Variants in HIVEP2 observed in about 807,000 individuals in gnomAD.
HIVEP2 encodes HIVEP zinc finger 2.
In HIVEP2, 14 loss-of-function variants were observed where a neutral mutation model predicts 180.7. That is an observed-to-expected ratio of 0.08 (90% CI 0.05 to 0.12). The LOEUF (loss-of-function observed/expected upper bound fraction) is 0.12. HIVEP2 is among the 10% of genes least tolerant of loss of function. The pLI is 1.00. For synonymous variants in HIVEP2, 1,184 were observed against 1,136.4 expected (o/e 1.04, Z -0.84); for missense variants, 2,579 against 3,008.5 (o/e 0.86, Z 3.34).
intron 1 of HIVEP2, among the ~76,000 whole-genome samples, chr6:142,866,273 C>G (rs1776135780): frequency 6.6e-6 from 1 of 152,168 alleles, no homozygotes; most frequent in Non-Finnish European, 1.5e-5. Context: ...GCCTTGAAAA[C>G]TTGTTGAGAA....
chr6:142,907,615 C>T (rs1416178047), intron 1 of HIVEP2, among the ~76,000 whole-genome samples: 1 of 152,206 alleles, frequency 6.6e-6, no homozygotes, highest in Non-Finnish European at 1.5e-5. Flanking sequence ...ACTCCAGCAG[C>T]CTGTTAACAA....
At chr6:142,776,798 G>T (rs899179698) in intron 3 of HIVEP2, among the ~76,000 whole-genome samples, 1 of 152,232 alleles carries the variant, frequency 6.6e-6, no homozygotes, top group East Asian at 1.9e-4. Flanking sequence ...CTCCCAAAGC[G>T]TTAGGATTAT....
intron 1 of HIVEP2, among the ~76,000 whole-genome samples, chr6:142,900,326 G>A (rs1360685839): frequency 2.6e-5 from 4 of 152,180 alleles, no homozygotes; most frequent in South Asian, 4.1e-4. Context: ...GAAACTTGAC[G>A]TCTGAGAGTT....
intron 1 of HIVEP2, among the ~76,000 whole-genome samples, chr6:142,870,551 A>G (rs1420227632): frequency 6.6e-6 from 1 of 152,128 alleles, no homozygotes; most frequent in African/African-American, 2.4e-5. Context: ...ACCAAATCCC[A>G]TCAGATAGAA....
chr6:142,818,995 AGGAG>A (rs1776950350), intron 2 of HIVEP2, among the ~76,000 whole-genome samples: 2 of 113,916 alleles, frequency 1.8e-5, no homozygotes, highest in South Asian at 3.2e-4. Context: ...AAGAAAGGAA[AGGAG>A]GGAGGGAGGG....
intron 1 of HIVEP2, among the ~76,000 whole-genome samples, chr6:142,900,599 C>CAAT (rs1053437987): frequency 1.3e-5 from 2 of 152,154 alleles, no homozygotes; most frequent in African/African-American, 4.8e-5. Context: ...CACAGAAAAG[C>CAAT]AATAACTATG....
chr6:142,773,612 T>C lies in HIVEP2; in HGVS notation c.1127A>G (p.Lys376Arg). 6.2e-7 allele frequency: 1 copy of C among 1,614,222 alleles called. No individual in the cohort carries two copies. The highest frequency in any genetic ancestry group is 8.5e-7 in the Non-Finnish European group (1 of 1,180,032). The change falls in exon 5 of 10, where the codon AAA (lysine) becomes AGA (arginine). Residue 376 changes from lysine (K) to arginine (R), a missense_variant. Transcript: ENST00000367603. ...CGATGGCTCAGAATCTTGTCCTTTT[T>C]TCTCTGACAGTCTTAGTGCAAGTTT... ...KQKLALRLSEKKGQDSEPSLN... is the reference protein window; with the variant it reads ...KQKLALRLSERKGQDSEPSLN...
intron 2 of HIVEP2, among the ~76,000 whole-genome samples, chr6:142,798,264 G>A (rs1776325602): frequency 6.6e-6 from 1 of 150,944 alleles, no homozygotes; most frequent in Admixed American, 6.6e-5. Flanking sequence ...GTGAGACTTC[G>A]TCTCAAAAAA....
intron 1 of HIVEP2, among the ~76,000 whole-genome samples, chr6:142,933,095 A>G (rs931786188): frequency 1.3e-5 from 2 of 152,250 alleles, no homozygotes; most frequent in Admixed American, 1.3e-4. Flanking sequence ...CAGCCTGCTC[A>G]AAACCAAAAG....
At chr6:142,897,236 G>A (rs1418364989) in intron 1 of HIVEP2, among the ~76,000 whole-genome samples, 2 of 152,270 alleles carry the variant, frequency 1.3e-5, no homozygotes, top group Non-Finnish European at 2.9e-5. Flanking sequence ...TGCAAAAGAT[G>A]AAAATACTAC....
intron 2 of HIVEP2, among the ~76,000 whole-genome samples, chr6:142,790,309 C>A (rs902825250): frequency 5.9e-5 from 9 of 152,088 alleles, no homozygotes; most frequent in Non-Finnish European, 1.0e-4. Flanking sequence ...AATTAAAAAT[C>A]TTTTTTTGCT....
At chr6:142,866,194 C>T (rs944837534) in intron 1 of HIVEP2, among the ~76,000 whole-genome samples, 4 of 152,130 alleles carry the variant, frequency 2.6e-5, no homozygotes, top group Non-Finnish European at 4.4e-5. Flanking sequence ...CCCTCTAGAA[C>T]CTTGGGCAAG....
In HIVEP2 at chr6:142,752,696, T is replaced by A. The variant is rs1774951525; in HGVS notation, c.*411A>T. The A allele has an allele frequency of 6.0e-6, 1 of 165,800 alleles. No homozygotes were observed. The highest frequency in any genetic ancestry group is 2.4e-5 in the African/African-American group (1 of 41,590). 10.3% of individuals were successfully genotyped at this position (165,800 alleles called of 1,614,324 possible). ...TTAATCATATAAAAATATGTTTTAG[T>A]GCAACCTCACATATATATTGATGCT... On this transcript the variant is annotated 3_prime_UTR_variant, in exon 10 of 10. Coordinates refer to ENST00000367603, the MANE Select transcript of HIVEP2 (RefSeq NM_006734.4).
At chr6:142,871,610 T>C (rs958023044) in intron 1 of HIVEP2, among the ~76,000 whole-genome samples, 9 of 144,196 alleles carry the variant, frequency 6.2e-5, no homozygotes, top group African/African-American at 2.2e-4. Context: ...TGTGAATAGA[T>C]CAGAAGTAAA....
chr6:142,802,970 C>T (rs1022972679), intron 2 of HIVEP2, among the ~76,000 whole-genome samples: 1 of 151,914 alleles, frequency 6.6e-6, no homozygotes, highest in Admixed American at 6.6e-5. Context: ...TAAAGACTGA[C>T]CAAATGTATG....
chr6:142,775,768 G>C (rs1211578431), intron 4 of HIVEP2, among the ~76,000 whole-genome samples: 2 of 151,758 alleles, frequency 1.3e-5, no homozygotes, highest in South Asian at 2.1e-4. Context: ...CCGGGAGGCA[G>C]AGGTTGCAGT....
intron 1 of HIVEP2, among the ~76,000 whole-genome samples, chr6:142,893,327 C>T (rs1776906845): frequency 6.6e-6 from 1 of 152,218 alleles, no homozygotes; most frequent in Admixed American, 6.5e-5. Context: ...AGAAACCCCA[C>T]AGTAAAACAA....
chr6:142,911,793 GTATGTGTGCATGA>G (rs897072024), intron 1 of HIVEP2, among the ~76,000 whole-genome samples: 2 of 152,298 alleles, frequency 1.3e-5, no homozygotes, highest in Non-Finnish European at 1.5e-5. Flanking sequence ...TCTGTGATGC[GTATGTGTGCATGA>G]TATGTGTGCA....
At chr6:142,761,416 C>G in intron 8 of HIVEP2, 48 bp downstream of exon 8, 1 of 905,958 alleles carries the variant, frequency 1.1e-6, no homozygotes. Context: ...CACAGAGCTC[C>G]ACTGTGCATA....
Sources: gnomAD v4.1 joint callset for allele counts (sites outside exome capture counted in the v4.1 genomes callset) on GRCh38, gnomAD v4.1.1 for gene constraint, MANE v1.5 for transcripts, NCBI Gene and HGNC (gene_info 2026-07-23, HGNC 2026-07-21) for gene names.